The following SPAG9 variants were observed in gnomAD, a reference collection of about 807,000 sequenced individuals.
SPAG9 encodes the protein sperm associated antigen 9, also known as C-Jun-amino-terminal kinase-interacting protein 4.
SPAG9 carries 35 observed loss-of-function variants against 166.5 expected under a neutral mutation model. The observed-to-expected ratio is 0.21, with a 90% CI of 0.16 to 0.28. The LOEUF is 0.28. SPAG9 is among the 10% of genes least tolerant of loss of function. The probability of loss-of-function intolerance (pLI) is 1.00; values close to 1 mark genes in which losing one functional copy is unlikely to be tolerated. For synonymous variants in SPAG9, 534 were observed against 565.5 expected (o/e 0.94, Z 0.79); for missense variants, 1,235 against 1,603.3 (o/e 0.77, Z 3.92).
intron 1 of SPAG9, among the ~76,000 whole-genome samples, chr17:51,086,015 C>T (rs941129744): frequency 7.7e-6 from 1 of 129,500 alleles, no homozygotes; most frequent in African/African-American, 3.0e-5. Context: ...GTCGCCCAGG[C>T]TGGAGTGCAG....
In SPAG9 at chr17:51,059,112, T is replaced by C. The variant is rs114535429; in HGVS notation, c.425-2630A>G. Among the ~76,000 whole-genome samples the C allele has an allele frequency of 5.0e-3, 759 of 152,100 alleles. 7 individuals are homozygous for C. Among genetic ancestry groups the C allele is most frequent in the African/African-American group, 0.018 (726 of 41,484 alleles). On this transcript the variant is annotated intron_variant, in intron 2 of 29. Coordinates refer to ENST00000262013, the MANE Select transcript of SPAG9 (RefSeq NM_001130528.3). ...ACATCATGGACCAATAGCACAAATA[T>C]GATATTGAAGGAAAGAAGCAGAAAC...
At chr17:51,055,645 G>A (rs1272414988) in intron 3 of SPAG9, among the ~76,000 whole-genome samples, 2 of 151,976 alleles carry the variant, frequency 1.3e-5, no homozygotes, top group Non-Finnish European at 2.9e-5. Context: ...TGTATCATGG[G>A]AAATATAGGA....
At chr17:51,106,920 G>A (rs1178599133) in intron 1 of SPAG9, among the ~76,000 whole-genome samples, 2 of 151,554 alleles carry the variant, frequency 1.3e-5, no homozygotes, top group Admixed American at 6.6e-5. Flanking sequence ...TGGCTAATAT[G>A]GTGAAACCCC....
intron 4 of SPAG9, chr17:51,046,844 C>G: frequency 6.5e-7 from 1 of 1,531,650 alleles, no homozygotes; most frequent in Non-Finnish European, 8.7e-7. Flanking sequence ...CTCCCCACCT[C>G]ATAACCATAG....
intron 6 of SPAG9, among the ~76,000 whole-genome samples, 196 bp from the exon 7 acceptor site, chr17:51,021,561 T>C (rs2045937528): frequency 6.6e-6 from 1 of 152,180 alleles, no homozygotes; most frequent in Non-Finnish European, 1.5e-5. Context: ...TTAAGTAAAC[T>C]GTATTTTTTC....
At chr17:51,080,281 G>A (rs1438145347) in intron 1 of SPAG9, among the ~76,000 whole-genome samples, 2 of 151,040 alleles carry the variant, frequency 1.3e-5, no homozygotes, top group Non-Finnish European at 1.5e-5. Context: ...CAAGTGATCC[G>A]CTCTCCTTAA....
rs757815745 is a variant in SPAG9, at chr17:50,970,912, TG to T, written c.3701-57del. 6,056 of 1,474,714 alleles carry T rather than the reference TG, an allele frequency of 4.1e-3. 7 individuals are homozygous for T. Among genetic ancestry groups the T allele is most frequent in the South Asian group, 9.5e-3 (774 of 81,346 alleles). The allele number at this position is 1,474,714 out of a possible 1,614,324, so 91.4% of individuals were successfully genotyped here. Reference sequence around the variant, plus strand: ...ACTTATCACAGAAGGGAGGCTGTTTTGTTTTTTTTTTTTAAGTATTTTTAGA... The same window carrying T: ...ACTTATCACAGAAGGGAGGCTGTTTTTTTTTTTTTTTTAAGTATTTTTAGA... On this transcript the variant is annotated intron_variant, in intron 28 of 29. Transcript: ENST00000262013.
chr17:50,968,955 T>A (rs1973559031), intron 29 of SPAG9, among the ~76,000 whole-genome samples: 1 of 151,460 alleles, frequency 6.6e-6, no homozygotes, highest in East Asian at 2.0e-4. Flanking sequence ...TTTTTTGAGA[T>A]GGAGTCTCAC....
At position 50,987,181 on chromosome 17, in the gene SPAG9, A is replaced by G. The variant is rs1181945564; in HGVS notation, c.2870T>C (p.Leu957Ser). 1.2e-6 allele frequency: 2 copies of G among 1,613,352 alleles called. No homozygotes were observed. Among genetic ancestry groups the G allele is most frequent in the African/African-American group, 2.7e-5 (2 of 74,840 alleles). The change falls in exon 22 of 30, where the codon TTG (leucine) becomes TCG (serine). Residue 957 changes from leucine (L) to serine (S), a missense_variant. Physicochemically the swap from Leu to Ser is moderately radical, Grantham distance 145 (BLOSUM62 -2). Transcript: ENST00000262013. ...QISVLPNEQD[L>S]VREEAQKMSS... is the part of the protein sequence containing the mutation. ...CATTTTCTGGGCTTCTTCTCTCACC[A>G]AGTCTTGTTCATTTGGCAGTACTGA...
Position 50,982,654 on chromosome 17 carries a change from G to A in SPAG9, c.3107C>T (p.Ser1036Leu). ...HRGVDGQWDL[S>L]NYHLLDLGRP... Reference sequence around the variant, plus strand: ...TCCAAGGTCTAAGAGGTGATAGTTTGACAAATCCCACTGCCCATCTTTAAA... The same window carrying A: ...TCCAAGGTCTAAGAGGTGATAGTTTAACAAATCCCACTGCCCATCTTTAAA... The change falls in exon 25 of 30, where the codon TCA becomes TTA. Residue 1036 changes from serine (S) to leucine (L), a missense_variant. This residue lies in a region of SPAG9 where 493 missense variants were observed against 559.4 expected (regional missense o/e 0.88). Coordinates refer to ENST00000262013, the MANE Select transcript of SPAG9 (RefSeq NM_001130528.3). 1 of 1,609,292 alleles carries A rather than the reference G, an allele frequency of 6.2e-7. No homozygotes were observed.
rs1214564668 is a variant in SPAG9 at position 50,964,714 on chromosome 17, G to T, written c.*1558C>A. The T allele has an allele frequency of 4.4e-6, 2 of 450,600 alleles. No individual in the cohort carries two copies. The highest frequency in any genetic ancestry group is 8.9e-6 in the Non-Finnish European group (2 of 224,250). The allele number at this position is 450,600 out of a possible 1,614,324, so 27.9% of individuals were successfully genotyped here. ...ATCGTGGTTTTAAAAAACTTATTAA[G>T]CAAGAAAATCAGTGAAATCCAGACT... is the stretch of plus-strand genomic sequence containing the variant. On this transcript the variant is annotated 3_prime_UTR_variant, in exon 30 of 30. Transcript: ENST00000262013.
chr17:51,059,755 T>C (rs895620734), intron 2 of SPAG9, among the ~76,000 whole-genome samples: 3 of 148,486 alleles, frequency 2.0e-5, no homozygotes, highest in Non-Finnish European at 1.5e-5. Flanking sequence ...GGCGACAGAG[T>C]GTGACTCCAT....
chr17:51,010,590 T>C (rs952516836), intron 9 of SPAG9, among the ~76,000 whole-genome samples: 1 of 145,398 alleles, frequency 6.9e-6, no homozygotes, highest in Non-Finnish European at 1.5e-5. Flanking sequence ...AAAATATATA[T>C]ATATATATAT....
intron 1 of SPAG9, among the ~76,000 whole-genome samples, chr17:51,100,758 A>G (rs897347397): frequency 6.6e-6 from 1 of 151,932 alleles, no homozygotes; most frequent in Non-Finnish European, 1.5e-5. Context: ...CCTCTCTACT[A>G]AAAATACAAA....
In SPAG9 at chr17:50,998,634, T is replaced by C. The variant is rs368561458; in HGVS notation, c.1665-17A>G. The C allele has an allele frequency of 9.2e-5, 149 of 1,611,328 alleles. No individual in the cohort carries two copies. Among genetic ancestry groups the C allele is most frequent in the Non-Finnish European group, 1.2e-4 (137 of 1,177,922 alleles). Reference sequence around the variant, plus strand: ...CGGCTGAAACTAAAAGAAGACAGTATGTCTGTGTGTCACATGTACTATGAG... The same window carrying C: ...CGGCTGAAACTAAAAGAAGACAGTACGTCTGTGTGTCACATGTACTATGAG... On this transcript the variant is annotated splice_polypyrimidine_tract_variant and intron_variant, in intron 14 of 29. Coordinates refer to ENST00000262013, the MANE Select transcript of SPAG9 (RefSeq NM_001130528.3).
chr17:50,999,726 A>G lies in SPAG9; in HGVS notation c.1608-9T>C, dbSNP rs2044845984. 2 of 1,610,774 alleles carry G rather than the reference A, an allele frequency of 1.2e-6. No homozygotes were observed. The highest frequency in any genetic ancestry group is 2.2e-5 in the South Asian group (2 of 90,632). ...GATTTTCTCGTGATGCCCTACATTC[A>G]AAAAGAAAAGAAAAGAAACATTTAT... is the stretch of plus-strand genomic sequence containing the variant. On this transcript the variant is annotated splice_polypyrimidine_tract_variant and intron_variant, in intron 13 of 29. Coordinates refer to ENST00000262013, the MANE Select transcript of SPAG9 (RefSeq NM_001130528.3).
At chr17:51,105,157 A>G (rs552116765) in intron 1 of SPAG9, among the ~76,000 whole-genome samples, 29 of 152,258 alleles carry the variant, frequency 1.9e-4, no homozygotes, top group African/African-American at 6.5e-4. Context: ...TAGGTTAAAC[A>G]TTTTGTAATA....
rs183565981 is a variant in SPAG9 at position 51,060,363 on chromosome 17, C to T, written c.425-3881G>A. 7.2e-5 allele frequency among the ~76,000 whole-genome samples: 11 copies of T among 151,864 alleles called. No individual in the cohort carries two copies. In the East Asian group the frequency reaches 2.1e-3, roughly 29 times the overall value. On this transcript the variant is annotated intron_variant, in intron 2 of 29. Transcript: ENST00000262013. ...ACTAAAAATACAAAAATTAGCCAGG[C>T]GTCATGGCAAATAGCAGTAATCCCA...
At position 50,999,681 on chromosome 17, in the gene SPAG9, T is replaced by C. The variant is rs1597954986; in HGVS notation, c.1644A>G (p.Lys548=). The C allele has an allele frequency of 1.9e-6, 3 of 1,612,824 alleles. No individual in the cohort carries two copies. The highest frequency in any genetic ancestry group is 2.5e-6 in the Non-Finnish European group (3 of 1,179,194). ...CTTACAACTGCCAAATGCTTGACCT[T>C]TTTTTTTCCTGCATGGCTGGATTTT... is the stretch of plus-strand genomic sequence containing the variant. ...SRENPAMQEK[K]RSSIWQFFSR... is the part of the protein sequence containing the mutation. The change falls in exon 14 of 30, where the codon AAA becomes AAG. Residue 548 remains lysine (K), a synonymous_variant. Transcript: ENST00000262013.
Sources: gnomAD v4.1 joint callset for allele counts (sites outside exome capture counted in the v4.1 genomes callset) on GRCh38, gnomAD v4.1.1 for gene constraint, gnomAD v4.1.1 regional missense constraint, MANE v1.5 for transcripts, NCBI Gene and HGNC (gene_info 2026-07-23, HGNC 2026-07-21) for gene names.